The following PSMD5 variants were observed in gnomAD, a reference collection of about 807,000 sequenced individuals.
PSMD5 encodes 26S proteasome non-ATPase regulatory subunit 5.
In PSMD5, 40 loss-of-function variants were observed where a neutral mutation model predicts 52.1. The observed-to-expected ratio is 0.77, with a 90% CI of 0.60 to 1.00. PSMD5 has a LOEUF of 1.00. Ranked by LOEUF, PSMD5 falls within the 50% of genes least tolerant of loss-of-function variation. The pLI is 0.00. For missense variants in PSMD5, 575 were observed against 605.2 expected (o/e 0.95, Z 0.52); for synonymous variants, 211 against 226.6 (o/e 0.93, Z 0.62).
rs1476067788 is a variant in PSMD5, at chr9:120,818,043, C to T, written c.1378G>A (p.Val460Met). The T allele has an allele frequency of 6.2e-7, 1 of 1,614,096 alleles. No homozygotes were observed. Among genetic ancestry groups the T allele is most frequent in the Non-Finnish European group, 8.5e-7 (1 of 1,180,048 alleles). ...KASKDAKYEL[V>M]KALANSKTIA... ...GTCTTGGAATTGGCAAGTGCTTTCA[C>T]TAGTTCATATTTGGCATCCTTTGAA... is the stretch of plus-strand genomic sequence containing the variant. Residue 460 changes from valine (V) to methionine (M), a missense_variant, in exon 10 of 10, where the codon GTG becomes ATG. By Grantham distance (21) the Val-to-Met change is conservative (BLOSUM62 1). Transcript: ENST00000210313.
intron 1 of PSMD5, among the ~76,000 whole-genome samples, chr9:120,839,366 TGGGGTTACAA>T (rs988806392): frequency 1.1e-4 from 17 of 152,300 alleles, no homozygotes; most frequent in African/African-American, 4.1e-4. Context: ...GTATGCTCAC[TGGGGTTACAA>T]GGTGGGAAGG....
intron 2 of PSMD5, 152 bp from the exon 3 acceptor site, chr9:120,832,097 A>G: frequency 7.5e-7 from 1 of 1,333,322 alleles, no homozygotes; most frequent in South Asian, 1.6e-5. Flanking sequence ...ACCTAAATTC[A>G]TTCAGTCAAA....
intron 1 of PSMD5, among the ~76,000 whole-genome samples, chr9:120,839,707 T>G (rs560586800): frequency 3.0e-4 from 45 of 152,290 alleles, no homozygotes; most frequent in East Asian, 7.7e-4. Flanking sequence ...TTCAAAACTC[T>G]TTTAAATGAT....
At chr9:120,841,017 G>C (rs1478569937) in intron 1 of PSMD5, among the ~76,000 whole-genome samples, 1 of 152,112 alleles carries the variant, frequency 6.6e-6, no homozygotes, top group African/African-American at 2.4e-5. Context: ...CTCCCAAAGT[G>C]TTGGGAATAC....
intron 7 of PSMD5, among the ~76,000 whole-genome samples, chr9:120,822,640 G>T (rs764188612): frequency 1.2e-4 from 18 of 151,852 alleles, no homozygotes; most frequent in Non-Finnish European, 2.9e-5. Context: ...AGGTTCAAGC[G>T]ATTCTCCTGC....
chr9:120,826,336 G>A (rs1463014864), intron 6 of PSMD5, among the ~76,000 whole-genome samples: 1 of 152,108 alleles, frequency 6.6e-6, no homozygotes, highest in Non-Finnish European at 1.5e-5. Context: ...TTTCACCGCT[G>A]AGTATGTTAG....
intron 5 of PSMD5, 48 bp from the exon 6 acceptor site, chr9:120,826,955 C>T: frequency 1.3e-6 from 2 of 1,551,540 alleles, no homozygotes; most frequent in Non-Finnish European, 8.8e-7. Context: ...ACAGGATTTG[C>T]ATAGTTTATA....
At chr9:120,834,644 GA>G (rs1212236688) in intron 1 of PSMD5, among the ~76,000 whole-genome samples, 1 of 152,224 alleles carries the variant, frequency 6.6e-6, no homozygotes, top group Non-Finnish European at 1.5e-5. Flanking sequence ...AACTGAAACT[GA>G]AAAGATGCAC....
chr9:120,831,739 T>C, intron 3 of PSMD5, 93 bp downstream of exon 3: 1 of 1,512,830 alleles, frequency 6.6e-7, no homozygotes, highest in South Asian at 1.3e-5. Context: ...TCATCCATTC[T>C]AAACCTTCAC....
At position 120,820,996 on chromosome 9, in the gene PSMD5, G is replaced by A. The variant is rs2045080585; in HGVS notation, c.1117-17C>T. On this transcript the variant is annotated splice_polypyrimidine_tract_variant and intron_variant, in intron 8 of 9. Transcript: ENST00000210313. ...CTGCTCAGGCTACAGGAAAGAAAAG[G>A]AAAATCTCATCAAAAGTTAACTGAT... 6.4e-7 allele frequency: 1 copy of A among 1,567,292 alleles called. No individual in the cohort carries two copies. Among genetic ancestry groups the A allele is most frequent in the African/African-American group, 1.4e-5 (1 of 72,386 alleles).
At chr9:120,842,381 G>A (rs992565217) in intron 1 of PSMD5, 10 of 263,410 alleles carry the variant, frequency 3.8e-5, no homozygotes, top group Non-Finnish European at 2.9e-5. Flanking sequence ...GCCAGGATAG[G>A]ATCCTTTTAG....
chr9:120,821,704 C>A (rs1444519437), intron 7 of PSMD5, among the ~76,000 whole-genome samples: 1 of 152,172 alleles, frequency 6.6e-6, no homozygotes, highest in Non-Finnish European at 1.5e-5. Context: ...CACTATTCTA[C>A]CTCCTGTGAA....
intron 7 of PSMD5, chr9:120,824,256 C>T (rs1268401148): frequency 1.9e-6 from 1 of 523,374 alleles, no homozygotes; most frequent in Non-Finnish European, 3.4e-6. Flanking sequence ...TGGTTGAAAT[C>T]GATTGGTAGA....
chr9:120,830,559 G>T (rs1273779424), intron 4 of PSMD5, among the ~76,000 whole-genome samples: 1 of 152,168 alleles, frequency 6.6e-6, no homozygotes, highest in Non-Finnish European at 1.5e-5. Flanking sequence ...AAGAAACTGA[G>T]AGGTAGAAGG....
intron 1 of PSMD5, among the ~76,000 whole-genome samples, chr9:120,840,940 GA>G (rs995943016): frequency 6.6e-6 from 1 of 151,430 alleles, no homozygotes; most frequent in Non-Finnish European, 1.5e-5. Flanking sequence ...TTTTAGTAGA[GA>G]CGGAGTTTCA....
At chr9:120,839,512 C>T (rs62581706) in intron 1 of PSMD5, among the ~76,000 whole-genome samples, 22,295 of 152,148 alleles carry the variant, frequency 0.15, 1,744 homozygotes, top group Middle Eastern at 0.18. Flanking sequence ...AAATAAGAGA[C>T]ATTTCATAGG....
At position 120,824,617 on chromosome 9, in the gene PSMD5, T is replaced by G. The variant is rs1481076325; in HGVS notation, c.883A>C (p.Ile295Leu). The G allele has an allele frequency of 6.2e-7, 1 of 1,614,078 alleles. No individual in the cohort carries two copies. Among genetic ancestry groups the G allele is most frequent in the Non-Finnish European group, 8.5e-7 (1 of 1,180,046 alleles). Residue 295 changes from isoleucine to leucine, a missense_variant, in exon 7 of 10, where the codon ATC (isoleucine) becomes CTC (leucine). Transcript: ENST00000210313. ...ATTTCAAAGACTTTTTCCACAAAGA[T>G]AGGATAACGCTCACAGATCTGTTGA... ...SPQQICERYP[I>L]FVEKVFEMIE...
At chr9:120,827,624 CATT>C (rs1271972963) in intron 5 of PSMD5, among the ~76,000 whole-genome samples, 1 of 152,130 alleles carries the variant, frequency 6.6e-6, no homozygotes, top group Non-Finnish European at 1.5e-5. Context: ...TTAATTGTCT[CATT>C]AGGTTGAGAC....
chr9:120,830,904 A>ATATAT (rs1554813127), intron 4 of PSMD5, among the ~76,000 whole-genome samples: 4 of 134,496 alleles, frequency 3.0e-5, no homozygotes, highest in African/African-American at 1.1e-4. Context: ...TATATATATA[A>ATATAT]AAAGGGTCTT....
Sources: gnomAD v4.1 joint callset for allele counts (sites outside exome capture counted in the v4.1 genomes callset) on GRCh38, gnomAD v4.1.1 for gene constraint, MANE v1.5 for transcripts, NCBI Gene and HGNC (gene_info 2026-07-23, HGNC 2026-07-21) for gene names.